Variants in AK4 observed in about 807,000 individuals in gnomAD.
AK4 encodes the protein adenylate kinase 4, also known as adenylate kinase 4, mitochondrial.
AK4 carries 13 observed loss-of-function variants against 24.6 expected under a neutral mutation model. The observed-to-expected ratio is 0.53, with a 90% CI of 0.34 to 0.84. AK4 has a LOEUF of 0.84. Ranked by LOEUF, AK4 falls within the 40% of genes least tolerant of loss-of-function variation. AK4 has a pLI of 0.01. For synonymous variants in AK4, 88 were observed against 107.0 expected, an observed-to-expected ratio of 0.82 and a Z score of 1.10; for missense variants, 192 against 288.2, an observed-to-expected ratio of 0.67 and a Z score of 2.42.
Position 65,169,175 on chromosome 1 carries a change from CA to C in AK4, c.145+20640del, listed in dbSNP as rs577188503. ...TGGTTGGCAGAATGAGACGCTGTCT[CA>C]AAAAAAAAAAAAAAAAGAAAAAGAA... On this transcript the variant is annotated intron_variant, in intron 1 of 4. Coordinates refer to ENST00000327299, the MANE Select transcript of AK4 (RefSeq NM_013410.4). 8.6e-3 allele frequency among the ~76,000 whole-genome samples: 558 copies of C among 64,768 alleles called. 2 individuals carry two copies. The highest frequency in any genetic ancestry group is 0.012 in the Non-Finnish European group (368 of 31,140). 42.5% of individuals were successfully genotyped at this position (64,768 alleles called of 152,430 possible).
chr1:65,164,505 C>G (rs1480470140), intron 1 of AK4, among the ~76,000 whole-genome samples: 4 of 152,106 alleles, frequency 2.6e-5, no homozygotes, highest in African/African-American at 9.7e-5. Flanking sequence ...TTGTATTTCT[C>G]TGAGGACTAA....
At chr1:65,176,248 C>T (rs1395748963) in intron 1 of AK4, among the ~76,000 whole-genome samples, 1 of 152,070 alleles carries the variant, frequency 6.6e-6, no homozygotes, top group Admixed American at 6.6e-5. Flanking sequence ...GGCTGTTGTC[C>T]ATGCATCTTT....
chr1:65,191,488 G>A (rs1570109842), intron 2 of AK4, among the ~76,000 whole-genome samples: 1 of 151,784 alleles, frequency 6.6e-6, no homozygotes, highest in Non-Finnish European at 1.5e-5. Context: ...ACAACTGTAT[G>A]GAAAGTGATG....
chr1:65,216,540 TAGAAAATGCTTTTC>T (rs745767682), intron 2 of AK4, among the ~76,000 whole-genome samples: 57 of 146,918 alleles, frequency 3.9e-4, no homozygotes, highest in Non-Finnish European at 1.5e-4. Flanking sequence ...GCCACTGCTT[TAGAAAATGCTTTTC>T]ATTGATGTGG....
chr1:65,160,740 G>A (rs1035978050), intron 1 of AK4, among the ~76,000 whole-genome samples: 14 of 151,920 alleles, frequency 9.2e-5, no homozygotes, highest in South Asian at 2.1e-4. Flanking sequence ...GACTACAGGC[G>A]CATGCCACCA....
Position 65,151,813 on chromosome 1 carries a change from A to G in AK4, c.145+3261A>G, listed in dbSNP as rs1024136046. On this transcript the variant is annotated intron_variant, in intron 1 of 4. Coordinates refer to ENST00000327299, the MANE Select transcript of AK4 (RefSeq NM_013410.4). ...ATTAGCTTCATGGTAGCTGTCACCC[A>G]TTGGCCCTTCCTACACTGCCTAGAG... 5.3e-5 allele frequency among the ~76,000 whole-genome samples: 8 copies of G among 152,238 alleles called. No individual in the cohort carries two copies. In the East Asian group the frequency reaches 1.4e-3, roughly 26 times the overall value.
At chr1:65,189,186 C>T (rs866307983) in intron 1 of AK4, among the ~76,000 whole-genome samples, 3 of 151,978 alleles carry the variant, frequency 2.0e-5, no homozygotes, top group East Asian at 1.9e-4. Context: ...CCGCCTGCCT[C>T]GACCTCCCAA....
intron 2 of AK4, among the ~76,000 whole-genome samples, chr1:65,201,843 A>G (rs1651671875): frequency 6.6e-6 from 1 of 152,214 alleles, no homozygotes; most frequent in Non-Finnish European, 1.5e-5. Context: ...ATCACATGGA[A>G]AAGCTCTAGA....
chr1:65,174,432 G>C (rs979733243), intron 1 of AK4, among the ~76,000 whole-genome samples: 2 of 152,138 alleles, frequency 1.3e-5, no homozygotes, highest in African/African-American at 4.8e-5. Flanking sequence ...GGCAAAGACA[G>C]ATCCTCGAGT....
chr1:65,218,968 G>A (rs756707045), intron 3 of AK4, 42 bp downstream of exon 3: 1 of 1,450,620 alleles, frequency 6.9e-7, no homozygotes, highest in East Asian at 2.5e-5. Context: ...ACAAGAAAAA[G>A]ACAAACAATT....
At chr1:65,204,226 A>T (rs1263770263) in intron 2 of AK4, among the ~76,000 whole-genome samples, 1 of 148,988 alleles carries the variant, frequency 6.7e-6, no homozygotes, top group Non-Finnish European at 1.5e-5. Flanking sequence ...TTTGACATGG[A>T]GTCTCGCTGT....
intron 1 of AK4, among the ~76,000 whole-genome samples, chr1:65,174,800 CTT>C (rs2101015759): frequency 6.6e-6 from 1 of 152,302 alleles, no homozygotes; most frequent in Admixed American, 6.5e-5. Flanking sequence ...TACTCAAACA[CTT>C]TCTATTTCTT....
At chr1:65,194,063 C>T (rs1011116379) in intron 2 of AK4, among the ~76,000 whole-genome samples, 2 of 152,120 alleles carry the variant, frequency 1.3e-5, no homozygotes, top group African/African-American at 4.8e-5. Context: ...TGCACTCCAG[C>T]CTGGATGACA....
chr1:65,214,836 C>T lies in AK4; in HGVS notation c.266-3918C>T, dbSNP rs540196771. Among the ~76,000 whole-genome samples, 3 of 152,232 alleles carry T rather than the reference C, an allele frequency of 2.0e-5. No homozygotes were observed. In the East Asian group the frequency reaches 5.8e-4, roughly 29 times the overall value. On this transcript the variant is annotated intron_variant, in intron 2 of 4. Coordinates refer to ENST00000327299, the MANE Select transcript of AK4 (RefSeq NM_013410.4). ...AAACAGGTGACTAAGTTAGGGAGTT[C>T]GTAAATCTGGAAAGATTTGCATGTG...
intron 1 of AK4, among the ~76,000 whole-genome samples, chr1:65,160,456 C>T (rs1385022858): frequency 3.9e-5 from 6 of 152,234 alleles, no homozygotes; most frequent in Admixed American, 2.6e-4. Flanking sequence ...AAAAATTTTC[C>T]ACTAGAGACA....
At chr1:65,171,756 C>A (rs1006107297) in intron 1 of AK4, among the ~76,000 whole-genome samples, 3 of 151,770 alleles carry the variant, frequency 2.0e-5, no homozygotes, top group East Asian at 1.9e-4. Flanking sequence ...CTTTAAGTCG[C>A]AAAGAAGTGG....
At chr1:65,165,296 G>A (rs201203202) in intron 1 of AK4, among the ~76,000 whole-genome samples, 1 of 152,128 alleles carries the variant, frequency 6.6e-6, no homozygotes, top group Non-Finnish European at 1.5e-5. Context: ...CATTAGAACC[G>A]AGCCTTGAAG....
intron 1 of AK4, among the ~76,000 whole-genome samples, chr1:65,182,593 T>C (rs1650948454): frequency 6.6e-6 from 1 of 152,130 alleles, no homozygotes; most frequent in Non-Finnish European, 1.5e-5. Context: ...TGAGATTTGA[T>C]CCTGAGAGAC....
chr1:65,223,793 G>A lies in AK4; in HGVS notation c.439-959G>A, dbSNP rs1401086735. On this transcript the variant is annotated intron_variant, in intron 3 of 4. Coordinates refer to ENST00000327299, the MANE Select transcript of AK4 (RefSeq NM_013410.4). ...GTGGATCACCTCAGGTCAGGAGTTC[G>A]AGACCAGCCTGACCAACGTGGTGAA... 8.5e-5 allele frequency among the ~76,000 whole-genome samples: 13 copies of A among 152,128 alleles called. 3 individuals carry two copies. The highest frequency in any genetic ancestry group is 1.5e-5 in the Non-Finnish European group (1 of 68,006).
Sources: allele counts gnomAD v4.1 joint callset (sites outside exome capture counted in the v4.1 genomes callset), GRCh38; gene constraint gnomAD v4.1.1; transcripts MANE v1.5; gene names NCBI Gene and HGNC (gene_info 2026-07-23, HGNC 2026-07-21).